The following FZD3 variants were observed in gnomAD, a reference collection of about 807,000 sequenced individuals.
FZD3 encodes frizzled class receptor 3.
FZD3 carries 30 observed loss-of-function variants against 60.7 expected under a neutral mutation model. The observed-to-expected ratio is 0.49, with a 90% CI of 0.37 to 0.67. FZD3 has a LOEUF of 0.67. FZD3 is among the 30% of genes least tolerant of loss of function. The pLI, the probability that FZD3 is intolerant of heterozygous loss-of-function variation, is 0.00. For synonymous variants in FZD3, 246 were observed against 275.2 expected (o/e 0.89, Z 1.05); for missense variants, 605 against 838.7 (o/e 0.72, Z 3.44).
chr8:28,513,457 C>G (rs1163531486), intron 3 of FZD3, among the ~76,000 whole-genome samples: 1 of 152,112 alleles, frequency 6.6e-6, no homozygotes, highest in Non-Finnish European at 1.5e-5. Context: ...ATTTAATATG[C>G]TATCACAGAA....
At position 28,567,628 on chromosome 8, in the gene FZD3, T is replaced by C. The variant is rs1805728088; in HGVS notation, c.*4617T>C. On this transcript the variant is annotated 3_prime_UTR_variant, in exon 8 of 8. Transcript: ENST00000240093. Reference sequence around the variant, plus strand: ...TTGGGGGGGCTATAGAAAACAAGGTTACAGTCTTCATTAGTATTTCTTTTT... The same window carrying C: ...TTGGGGGGGCTATAGAAAACAAGGTCACAGTCTTCATTAGTATTTCTTTTT... The C allele has an allele frequency of 6.6e-6, 1 of 152,166 alleles. No individual in the cohort carries two copies. Among genetic ancestry groups the C allele is most frequent in the Admixed American group, 6.5e-5 (1 of 15,268 alleles). 9.4% of individuals were successfully genotyped at this position (152,166 alleles called of 1,614,324 possible).
At chr8:28,507,498 T>C (rs1260375508) in intron 3 of FZD3, among the ~76,000 whole-genome samples, 1 of 152,204 alleles carries the variant, frequency 6.6e-6, no homozygotes, top group Non-Finnish European at 1.5e-5. Flanking sequence ...TTATAAATGT[T>C]AGCAGCCATT....
At chr8:28,504,674 G>T (rs1240946598) in intron 3 of FZD3, among the ~76,000 whole-genome samples, 1 of 152,182 alleles carries the variant, frequency 6.6e-6, no homozygotes, top group African/African-American at 2.4e-5. Context: ...TTAAATAAGA[G>T]ATTTATGAAG....
chr8:28,530,805 G>A (rs1320348135), intron 5 of FZD3, among the ~76,000 whole-genome samples: 2 of 151,676 alleles, frequency 1.3e-5, no homozygotes, highest in African/African-American at 4.8e-5. Flanking sequence ...ATAAAAAAAT[G>A]TTTGTTTTAC....
chr8:28,551,802 A>AT (rs758089443), intron 6 of FZD3, 51 bp downstream of exon 6: 1 of 1,465,972 alleles, frequency 6.8e-7, no homozygotes, highest in Non-Finnish European at 9.3e-7. Context: ...ATTTACGTAA[A>AT]TTTTTTTGTG....
At chr8:28,538,564 A>G (rs571556410) in intron 5 of FZD3, among the ~76,000 whole-genome samples, 120 of 152,300 alleles carry the variant, frequency 7.9e-4, no homozygotes, top group South Asian at 4.1e-4. Flanking sequence ...CAGACTTAAC[A>G]TCATTTTACA....
intron 5 of FZD3, among the ~76,000 whole-genome samples, chr8:28,536,205 C>T (rs1805008021): frequency 6.6e-6 from 1 of 152,092 alleles, no homozygotes; most frequent in Non-Finnish European, 1.5e-5. Flanking sequence ...TTTTAAACAT[C>T]GATTTTGAAA....
intron 3 of FZD3, among the ~76,000 whole-genome samples, chr8:28,512,608 T>A (rs1377096113): frequency 6.6e-6 from 1 of 152,168 alleles, no homozygotes. Context: ...TTTTAAAAAA[T>A]TTCAACTGTC....
intron 7 of FZD3, among the ~76,000 whole-genome samples, chr8:28,561,639 AAC>A (rs1356707758): frequency 6.6e-6 from 1 of 151,862 alleles, no homozygotes; most frequent in Non-Finnish European, 1.5e-5. Context: ...TATTTTTAGA[AAC>A]ATTACTTAAA....
chr8:28,528,252 GA>G (rs1327563773), intron 5 of FZD3, 88 bp downstream of exon 5: 1 of 967,082 alleles, frequency 1.0e-6, no homozygotes, highest in Non-Finnish European at 1.5e-6. Flanking sequence ...GCTGTTTTTT[GA>G]AATGTCATGA....
intron 2 of FZD3, among the ~76,000 whole-genome samples, chr8:28,501,318 T>G (rs1469449138): frequency 2.6e-5 from 4 of 152,368 alleles, no homozygotes; most frequent in East Asian, 3.9e-4. Context: ...AATAGTTATC[T>G]GCCTAGTAAC....
chr8:28,494,957 C>G (rs908132738), intron 1 of FZD3, among the ~76,000 whole-genome samples: 5 of 152,182 alleles, frequency 3.3e-5, no homozygotes, highest in Non-Finnish European at 7.3e-5. Context: ...AAAGTCCTTG[C>G]TCCCTTCCGC....
chr8:28,509,752 TATC>T (rs1804235438), intron 3 of FZD3, among the ~76,000 whole-genome samples: 1 of 152,244 alleles, frequency 6.6e-6, no homozygotes. Context: ...TTCATCAATG[TATC>T]ATGTGTTGGA....
intron 3 of FZD3, among the ~76,000 whole-genome samples, chr8:28,516,415 T>G (rs1303784604): frequency 6.6e-6 from 1 of 152,220 alleles, no homozygotes; most frequent in Non-Finnish European, 1.5e-5. Context: ...AGGACCAGCT[T>G]TTCCATTTCT....
chr8:28,508,800 C>A (rs541963141), intron 3 of FZD3, among the ~76,000 whole-genome samples: 21 of 152,318 alleles, frequency 1.4e-4, no homozygotes, highest in Admixed American at 3.3e-4. Flanking sequence ...GCTGGAATTA[C>A]AGATGTGAAC....
In FZD3 at chr8:28,527,391, A is replaced by G. The variant is rs750907306; in HGVS notation, c.631A>G (p.Ile211Val). Reference protein sequence around the residue: ...FARYFIGLISIICLSATLFTF... With the variant: ...FARYFIGLISVICLSATLFTF... ...TCGCTATTTCATAGGATTGATTTCA[A>G]TCATTTGCCTCTCGGCCACATTGTT... The change falls in exon 5 of 8, where the codon ATC becomes GTC. Residue 211 changes from isoleucine to valine, a missense_variant. Physicochemically the swap from Ile to Val is conservative, Grantham distance 29. Transcript: ENST00000240093. This position sits in a 1 kb window ranked among gnomAD's most constrained non-coding sequence, Gnocchi z 5.0. 17 of 1,613,954 alleles carry G rather than the reference A, an allele frequency of 1.1e-5. No individual in the cohort carries two copies. The Middle Eastern group carries it at 1.2e-3, about 110-fold the overall frequency.
chr8:28,519,555 C>T (rs1403819002), intron 3 of FZD3, among the ~76,000 whole-genome samples: 1 of 151,938 alleles, frequency 6.6e-6, no homozygotes, highest in Non-Finnish European at 1.5e-5. Flanking sequence ...CATGGCGAGA[C>T]CCTGTCTTTA....
intron 3 of FZD3, among the ~76,000 whole-genome samples, chr8:28,506,005 C>T (rs1339020158): frequency 6.6e-6 from 1 of 152,168 alleles, no homozygotes; most frequent in Non-Finnish European, 1.5e-5. Flanking sequence ...TTCTCTTTTC[C>T]CCTGTGTATG....
chr8:28,511,002 A>G (rs1365621235), intron 3 of FZD3, among the ~76,000 whole-genome samples: 1 of 152,042 alleles, frequency 6.6e-6, no homozygotes, highest in African/African-American at 2.4e-5. Flanking sequence ...ATGCCACTGC[A>G]CTCCAGCCTG....
Sources: gnomAD v4.1 joint callset for allele counts (sites outside exome capture counted in the v4.1 genomes callset) on GRCh38, gnomAD v4.1.1 for gene constraint, Gnocchi (gnomAD v3.1) non-coding constraint, MANE v1.5 for transcripts, NCBI Gene and HGNC (gene_info 2026-07-23, HGNC 2026-07-21) for gene names.